The following MPPED1 variants were observed in gnomAD, a reference collection of about 807,000 sequenced individuals.
MPPED1 encodes metallophosphoesterase domain-containing protein 1.
Under a neutral mutation model 36.2 loss-of-function variants are expected in MPPED1, and 16 were observed. The ratio of observed to expected loss-of-function variants is 0.44; its 90% CI spans 0.30 to 0.67. The LOEUF (loss-of-function observed/expected upper bound fraction) is 0.67, where lower values mean the gene tolerates loss of function less well. Ranked by LOEUF, MPPED1 falls within the 30% of genes least tolerant of loss-of-function variation. The pLI, the probability that MPPED1 is intolerant of heterozygous loss-of-function variation, is 0.10. For missense variants in MPPED1, 307 were observed against 453.4 expected (o/e 0.68, Z 2.93); for synonymous variants, 199 against 191.3 (o/e 1.04, Z -0.33).
In MPPED1 at chr22:43,425,002, G is replaced by A; in HGVS notation, c.17G>A (p.Trp6Ter). Residue 6 changes from tryptophan to a stop codon, truncating the protein, a stop_gained, in exon 2 of 7, where the codon TGG becomes TAG. Coordinates refer to ENST00000443721, the MANE Select transcript of MPPED1 (RefSeq NM_001044370.2). LOFTEE classifies it high-confidence loss of function. Reference sequence around the variant, plus strand: ...CGGAGGTCCATGTGGCGCTCTAGGTGGGATGCCAGCGTCCTGAAGGCGGAG... The same window carrying A: ...CGGAGGTCCATGTGGCGCTCTAGGTAGGATGCCAGCGTCCTGAAGGCGGAG... MWRSR[W>*]DASVLKAEAL... The A allele has an allele frequency of 1.2e-6, 2 of 1,602,096 alleles. No individual in the cohort carries two copies. The highest frequency in any genetic ancestry group is 1.7e-6 in the Non-Finnish European group (2 of 1,175,226).
intron 3 of MPPED1, among the ~76,000 whole-genome samples, chr22:43,472,362 A>T (rs899813193): frequency 6.6e-6 from 1 of 152,136 alleles, no homozygotes; most frequent in Non-Finnish European, 1.5e-5. Context: ...AATTTTGTAC[A>T]TTTCCATTGA....
At position 43,474,967 on chromosome 22, in the gene MPPED1, TG is replaced by T. The variant is rs1277942208; in HGVS notation, c.632+9del. ...CGGATCTATGGCTCCCCATGGTGAGTGGGCCTGGGTGCTGGTCCTGCCTGCT... is the reference window on the plus strand; with the variant it reads ...CGGATCTATGGCTCCCCATGGTGAGTGGCCTGGGTGCTGGTCCTGCCTGCT... On this transcript the variant is annotated splice_region_variant and intron_variant, in intron 4 of 6. Transcript: ENST00000443721. The surrounding 1 kb of genome is among the most constrained non-coding windows in gnomAD (Gnocchi z 5.2). The T allele has an allele frequency of 6.2e-7, 1 of 1,613,228 alleles. No homozygotes were observed. Among genetic ancestry groups the T allele is most frequent in the Non-Finnish European group, 8.5e-7 (1 of 1,179,432 alleles).
At chr22:43,441,529 C>T (rs927268035) in intron 3 of MPPED1, among the ~76,000 whole-genome samples, 1 of 152,142 alleles carries the variant, frequency 6.6e-6, no homozygotes, top group Non-Finnish European at 1.5e-5. Context: ...GTTGTAAAAG[C>T]GTGGTCTGTA....
At chr22:43,496,995 A>T (rs1293744942) in intron 4 of MPPED1, among the ~76,000 whole-genome samples, 1 of 86,990 alleles carries the variant, frequency 1.1e-5, no homozygotes, top group Non-Finnish European at 2.3e-5. Flanking sequence ...GTGGTGGTGG[A>T]GGTGGTGGTG....
intron 3 of MPPED1, among the ~76,000 whole-genome samples, chr22:43,463,827 C>CTTTCTTTCTTTT (rs1284830314): frequency 1.1e-5 from 1 of 90,626 alleles, no homozygotes; most frequent in African/African-American, 3.2e-5. Context: ...TTCTTTCTTT[C>CTTTCTTTCTTTT]TTTCTTTCTT....
At chr22:43,497,514 G>GA (rs1043471020) in intron 4 of MPPED1, among the ~76,000 whole-genome samples, 1 of 152,054 alleles carries the variant, frequency 6.6e-6, no homozygotes, top group Admixed American at 6.5e-5. Context: ...TTTTCTTCTT[G>GA]AAAAGAGACT....
intron 2 of MPPED1, among the ~76,000 whole-genome samples, chr22:43,431,162 C>T (rs1929673487): frequency 6.7e-6 from 1 of 149,836 alleles, no homozygotes; most frequent in South Asian, 2.1e-4. Context: ...CTGTCTCAGC[C>T]TCCATAGTAG....
intron 4 of MPPED1, 145 bp from the exon 5 acceptor site, chr22:43,498,090 G>C: frequency 1.7e-6 from 1 of 587,868 alleles, no homozygotes; most frequent in Non-Finnish European, 3.0e-6. Context: ...GTGAGTCCCT[G>C]CCTTCCCTAG....
intron 2 of MPPED1, among the ~76,000 whole-genome samples, chr22:43,430,341 G>A (rs1017403213): frequency 6.6e-6 from 1 of 152,204 alleles, no homozygotes; most frequent in African/African-American, 2.4e-5. Context: ...CACTGCAGGG[G>A]TGTTGGCATC....
At chr22:43,414,804 T>C (rs961292030) in intron 1 of MPPED1, among the ~76,000 whole-genome samples, 1 of 152,140 alleles carries the variant, frequency 6.6e-6, no homozygotes, top group African/African-American at 2.4e-5. Flanking sequence ...CTGAGATCTT[T>C]CCGTTCAGCA....
intron 4 of MPPED1, among the ~76,000 whole-genome samples, chr22:43,484,037 C>A (rs932148960): frequency 6.6e-6 from 1 of 152,260 alleles, no homozygotes; most frequent in Non-Finnish European, 1.5e-5. Context: ...TCCCTTCTTG[C>A]GGCCTCACGG....
chr22:43,451,024 C>CT (rs34974443), intron 3 of MPPED1, among the ~76,000 whole-genome samples: 57,779 of 132,754 alleles, frequency 0.44, 14,116 homozygotes, highest in Non-Finnish European at 0.55. Flanking sequence ...CTGCATCTGG[C>CT]TTTTTTTTTT....
chr22:43,444,279 G>GGGGGGTGTGT (rs1234228311), intron 3 of MPPED1, among the ~76,000 whole-genome samples: 1 of 141,934 alleles, frequency 7.0e-6, no homozygotes, highest in African/African-American at 2.7e-5. Context: ...GACCCACTGG[G>GGGGGGTGTGT]GTGTGTGTGT....
intron 1 of MPPED1, among the ~76,000 whole-genome samples, chr22:43,413,379 CAAAAAA>C: frequency 9.0e-6 from 1 of 111,700 alleles, no homozygotes; most frequent in East Asian, 2.3e-4. Flanking sequence ...CTGGACTTTG[CAAAAAA>C]AAAAAAAAAA....
chr22:43,424,800 T>C, intron 1 of MPPED1, 108 bp from the exon 2 acceptor site: 1 of 1,396,198 alleles, frequency 7.2e-7, no homozygotes, highest in South Asian at 1.5e-5. Context: ...ACTGTGTTTT[T>C]TTTTCCTCTC....
chr22:43,412,706 C>G (rs1928948274), intron 1 of MPPED1, among the ~76,000 whole-genome samples: 1 of 152,206 alleles, frequency 6.6e-6, no homozygotes, highest in Non-Finnish European at 1.5e-5. Flanking sequence ...TCCATCCACT[C>G]ACTCAACACA....
chr22:43,459,018 A>G (rs894767796), intron 3 of MPPED1, among the ~76,000 whole-genome samples: 1 of 152,060 alleles, frequency 6.6e-6, no homozygotes, highest in Non-Finnish European at 1.5e-5. Context: ...GGATGTGTAG[A>G]TTAATGTTTT....
In MPPED1 at chr22:43,455,698, A is replaced by G. The variant is rs529256713; in HGVS notation, c.407-19038A>G. ...GAAACCCATTCATAATCTCAGCAAC[A>G]TAACTACTCAGTGTAATTTCTCCAT... On this transcript the variant is annotated intron_variant, in intron 3 of 6. Coordinates refer to ENST00000443721, the MANE Select transcript of MPPED1 (RefSeq NM_001044370.2). 4.7e-4 allele frequency among the ~76,000 whole-genome samples: 71 copies of G among 152,366 alleles called. No homozygotes were observed. In the South Asian group the frequency reaches 8.9e-3, roughly 19 times the overall value.
chr22:43,505,681 T>A lies in MPPED1; in HGVS notation c.*65T>A. ...TCCACAGGCCTGGCCCGGCCACTGTTCCTTCCATGCTGAGTTGCCTGGACG... is the reference window on the plus strand; with the variant it reads ...TCCACAGGCCTGGCCCGGCCACTGTACCTTCCATGCTGAGTTGCCTGGACG... On this transcript the variant is annotated 3_prime_UTR_variant, in exon 7 of 7. Transcript: ENST00000443721. The A allele has an allele frequency of 2.8e-6, 4 of 1,440,848 alleles. No individual in the cohort carries two copies. The highest frequency in any genetic ancestry group is 3.8e-6 in the Non-Finnish European group (4 of 1,049,186). The allele number at this position is 1,440,848 out of a possible 1,614,324, so 89.3% of individuals were successfully genotyped here. A position where few individuals can be genotyped will look rare whatever the true frequency, so the allele number is the denominator to read the frequency against.
Sources: allele counts gnomAD v4.1 joint callset (sites outside exome capture counted in the v4.1 genomes callset), GRCh38; gene constraint gnomAD v4.1.1; non-coding constraint Gnocchi (gnomAD v3.1); transcripts MANE v1.5; gene names NCBI Gene and HGNC (gene_info 2026-07-23, HGNC 2026-07-21).